Variants in SUPT5H observed in about 807,000 individuals in gnomAD.
SUPT5H encodes the protein transcription elongation factor SPT5.
In SUPT5H, 24 loss-of-function variants were observed where a neutral mutation model predicts 142.5. The observed-to-expected ratio is 0.17, with a 90% CI of 0.12 to 0.24. The LOEUF is 0.24. SUPT5H is among the 10% of genes least tolerant of loss of function. The pLI is 1.00. For missense variants in SUPT5H, 893 were observed against 1,471.8 expected (o/e 0.61, Z 6.43); for synonymous variants, 546 against 553.0 (o/e 0.99, Z 0.18).
intron 18 of SUPT5H, among the ~76,000 whole-genome samples, 153 bp from the exon 19 acceptor site, chr19:39,471,204 C>G (rs1365235461): frequency 6.6e-6 from 1 of 152,138 alleles, no homozygotes; most frequent in African/African-American, 2.4e-5. Context: ...GGGTGGCACT[C>G]TGCCTGCCTG....
At position 39,469,930 on chromosome 19, in the gene SUPT5H, G is replaced by A. The variant is rs1372025984; in HGVS notation, c.1375-189G>A. ...TAAAGGTTGTCCAGGTTGGTGTCCT[G>A]TGTCTGGGGTCAGCTGTTTCTGGGG... On this transcript the variant is annotated intron_variant, in intron 16 of 29. Transcript: ENST00000432763. The surrounding 1 kb of genome is among the most constrained non-coding windows in gnomAD (Gnocchi z 5.1). 2 of 693,652 alleles carry A rather than the reference G, an allele frequency of 2.9e-6. No homozygotes were observed. Among genetic ancestry groups the A allele is most frequent in the East Asian group, 2.9e-5 (1 of 34,806 alleles). The allele number at this position is 693,652 out of a possible 1,614,324, so 43.0% of individuals were successfully genotyped here.
chr19:39,451,910 G>T (rs1282307143), intron 2 of SUPT5H, among the ~76,000 whole-genome samples: 1 of 152,194 alleles, frequency 6.6e-6, no homozygotes, highest in Non-Finnish European at 1.5e-5. Context: ...AAGAAGTCGT[G>T]AAGTTCATGA....
At chr19:39,449,939 CTTTT>C (rs57757348) in intron 2 of SUPT5H, among the ~76,000 whole-genome samples, 6 of 130,672 alleles carry the variant, frequency 4.6e-5, no homozygotes, top group Admixed American at 1.5e-4. Context: ...CACGCTAAGC[CTTTT>C]TTTTTTTTTT....
At chr19:39,460,062 A>G (rs2079141832) in intron 10 of SUPT5H, 102 bp downstream of exon 10, 1 of 1,230,074 alleles carries the variant, frequency 8.1e-7, no homozygotes, top group Admixed American at 1.8e-5. Context: ...TTGTGAGCAG[A>G]GCTGCCTGCT....
rs115374783 is a variant in SUPT5H, at chr19:39,472,989, C to A, written c.2156-23C>A. On this transcript the variant is annotated intron_variant, in intron 22 of 29. Coordinates refer to ENST00000432763, the MANE Select transcript of SUPT5H (RefSeq NM_001111020.3). This position sits in a 1 kb window ranked among gnomAD's most constrained non-coding sequence, Gnocchi z 4.2. ...GCATGGTGAAGGAGAGCCTGCCCAG[C>A]CTGACCTCCTGTCCCCCTGCAGGCT... 4.6e-4 allele frequency: 744 copies of A among 1,612,726 alleles called. 3 individuals are homozygous for A. In the African/African-American group the frequency reaches 8.8e-3, roughly 19 times the overall value.
intron 10 of SUPT5H, among the ~76,000 whole-genome samples, chr19:39,460,522 G>C (rs1263272268): frequency 6.6e-6 from 1 of 152,142 alleles, no homozygotes; most frequent in African/African-American, 2.4e-5. Context: ...CAGATCACTT[G>C]AGGTCAGGAG....
Position 39,472,685 on chromosome 19 carries a change from G to T in SUPT5H, c.2036-125G>T. The T allele has an allele frequency of 6.9e-7, 1 of 1,455,590 alleles. No homozygotes were observed. Among genetic ancestry groups the T allele is most frequent in the South Asian group, 1.4e-5 (1 of 73,818 alleles). The allele number at this position is 1,455,590 out of a possible 1,614,324, so 90.2% of individuals were successfully genotyped here. On this transcript the variant is annotated intron_variant, in intron 21 of 29. Transcript: ENST00000432763. This position sits in a 1 kb window ranked among gnomAD's most constrained non-coding sequence, Gnocchi z 4.2. ...GCTTCCATAGGAAAGCCATGGGGCA[G>T]GGGTGGGCAGAGGAGGCTCTTAACC...
Position 39,474,193 on chromosome 19 carries a change from C to T in SUPT5H, c.2652-41C>T, listed in dbSNP as rs370106922. On this transcript the variant is annotated intron_variant, in intron 26 of 29. Transcript: ENST00000432763. This position sits in a 1 kb window ranked among gnomAD's most constrained non-coding sequence, Gnocchi z 6.5. ...CTACTGCCACCACCTCTTTTCCCCT[C>T]CCTCCTCCAACAAATGCCCCCTTCT... The T allele has an allele frequency of 6.2e-7, 1 of 1,613,246 alleles. No homozygotes were observed.
At chr19:39,464,711 G>GA in intron 10 of SUPT5H, 87 bp from the exon 11 acceptor site, 1 of 1,510,764 alleles carries the variant, frequency 6.6e-7, no homozygotes, top group Non-Finnish European at 8.9e-7. Flanking sequence ...TAAATTCCTA[G>GA]AAGAGGGACT....
In SUPT5H at chr19:39,470,070, G is replaced by A; in HGVS notation, c.1375-49G>A. On this transcript the variant is annotated intron_variant, in intron 16 of 29. Transcript: ENST00000432763. This position sits in a 1 kb window ranked among gnomAD's most constrained non-coding sequence, Gnocchi z 5.8. Reference sequence around the variant, plus strand: ...TGAAGACAGGAGGGGCAGGCAGGTTGTGGTGGTCTCCCTTCACCTGTTTGT... The same window carrying A: ...TGAAGACAGGAGGGGCAGGCAGGTTATGGTGGTCTCCCTTCACCTGTTTGT... 6.3e-7 allele frequency: 1 copy of A among 1,585,896 alleles called. No individual in the cohort carries two copies. Among genetic ancestry groups the A allele is most frequent in the Non-Finnish European group, 8.6e-7 (1 of 1,161,374 alleles).
Position 39,469,084 on chromosome 19 carries a change from G to T in SUPT5H, c.1149G>T (p.Thr383=). 1.2e-6 allele frequency: 2 copies of T among 1,614,148 alleles called. No homozygotes were observed. Among genetic ancestry groups the T allele is most frequent in the Non-Finnish European group, 1.7e-6 (2 of 1,180,032 alleles). ...FKSFAMSAVI[T]EGVKPTLSEL... ...CCTCACCGCTGGGGGCTTAGATCAC[G>T]GAGGGTGTGAAGCCAACACTCTCTG... Residue 383 remains threonine, a synonymous_variant, in exon 15 of 30, where the codon ACG becomes ACT. Transcript: ENST00000432763. This position sits in a 1 kb window ranked among gnomAD's most constrained non-coding sequence, Gnocchi z 5.1.
chr19:39,453,445 TGAGGAAGAG>T lies in SUPT5H; in HGVS notation c.174_182del (p.Glu59_Glu61del), dbSNP rs1475922542. 26 of 1,561,676 alleles carry T rather than the reference TGAGGAAGAG, an allele frequency of 1.7e-5. No homozygotes were observed. Among genetic ancestry groups the T allele is most frequent in the Non-Finnish European group, 2.2e-5 (25 of 1,152,346 alleles). On this transcript the variant is annotated inframe_deletion, in exon 3 of 30. Transcript: ENST00000432763. ...AGGAGGAAGAGGAGGAGGAATACGATGAGGAAGAGGAGGAAGAAGATGATGACCGACCCC... is the reference window on the plus strand; with the variant it reads ...AGGAGGAAGAGGAGGAGGAATACGATGAGGAAGAAGATGATGACCGACCCC...
At chr19:39,452,923 G>T (rs1244212574) in intron 2 of SUPT5H, among the ~76,000 whole-genome samples, 1 of 151,090 alleles carries the variant, frequency 6.6e-6, no homozygotes, top group African/African-American at 2.4e-5. Flanking sequence ...TGAGGCAAGA[G>T]AATTGCTTGA....
intron 20 of SUPT5H, 74 bp downstream of exon 20, chr19:39,471,804 G>A (rs1472764535): frequency 1.3e-6 from 2 of 1,540,950 alleles, no homozygotes; most frequent in African/African-American, 1.4e-5. Flanking sequence ...GGCCCCAGAA[G>A]TGATAAGATT....
intron 2 of SUPT5H, among the ~76,000 whole-genome samples, chr19:39,446,484 G>A (rs1316171291): frequency 1.3e-5 from 2 of 152,204 alleles, no homozygotes; most frequent in Non-Finnish European, 2.9e-5. Flanking sequence ...ATGAGTCTGA[G>A]GGGTGACATT....
chr19:39,457,267 G>A (rs565530425), intron 3 of SUPT5H, among the ~76,000 whole-genome samples: 2 of 152,228 alleles, frequency 1.3e-5, no homozygotes, highest in East Asian at 3.9e-4. Flanking sequence ...AACAGGGCAG[G>A]GTGTATAGTA....
chr19:39,476,085 G>T lies in SUPT5H; in HGVS notation c.3029G>T (p.Gly1010Val). 6.2e-7 allele frequency: 1 copy of T among 1,614,064 alleles called. No individual in the cohort carries two copies. Among genetic ancestry groups the T allele is most frequent in the Non-Finnish European group, 8.5e-7 (1 of 1,179,986 alleles). ...CAGGCTGTCCCCATCCTCCAGGGGGGCATGTGCTCTGTGTACCTGAAGGAC... is the reference window on the plus strand; with the variant it reads ...CAGGCTGTCCCCATCCTCCAGGGGGTCATGTGCTCTGTGTACCTGAAGGAC... ...QTGVIRSVTG[G>V]MCSVYLKDSE... The change falls in exon 29 of 30, where the codon GGC (glycine) becomes GTC (valine). Residue 1010 changes from glycine (G) to valine (V), a missense_variant. Physicochemically the swap from Gly to Val is moderately radical, Grantham distance 109. Around this residue, in one of 6 missense-constraint regions of SUPT5H, gnomAD observed 336 missense variants for 546.5 expected, o/e 0.61. Transcript: ENST00000432763.
At chr19:39,456,562 C>T (rs747967010) in intron 3 of SUPT5H, among the ~76,000 whole-genome samples, 47 of 151,766 alleles carry the variant, frequency 3.1e-4, no homozygotes, top group South Asian at 6.2e-4. Flanking sequence ...GGATTACAGG[C>T]GCCCACCACC....
At position 39,476,368 on chromosome 19, in the gene SUPT5H, T is replaced by C; in HGVS notation, c.3233T>C (p.Leu1078Pro). 6.2e-7 allele frequency: 1 copy of C among 1,614,108 alleles called. No homozygotes were observed. Among genetic ancestry groups the C allele is most frequent in the Non-Finnish European group, 8.5e-7 (1 of 1,180,018 alleles). ...DLDEQLKILNLRFLGKLLEA is the reference protein window; with the variant it reads ...DLDEQLKILNPRFLGKLLEA ...GATGAGCAGCTCAAGATCCTCAACC[T>C]CCGCTTCCTGGGGAAGCTCCTGGAA... is the stretch of plus-strand genomic sequence containing the variant. Residue 1078 changes from leucine to proline, a missense_variant, in exon 30 of 30, where the codon CTC becomes CCC. Physicochemically the swap from Leu to Pro is moderately conservative, Grantham distance 98. Transcript: ENST00000432763.
Sources: allele counts gnomAD v4.1 joint callset (sites outside exome capture counted in the v4.1 genomes callset), GRCh38; gene constraint gnomAD v4.1.1; regional missense constraint gnomAD v4.1.1; non-coding constraint Gnocchi (gnomAD v3.1); transcripts MANE v1.5; gene names NCBI Gene and HGNC (gene_info 2026-07-23, HGNC 2026-07-21).